The following ABLIM1 variants were observed in gnomAD, a reference collection of about 807,000 sequenced individuals.
The protein encoded by ABLIM1 is actin-binding LIM protein 1.
A neutral mutation model predicts 107.0 loss-of-function variants in ABLIM1; 40 were observed. The observed-to-expected ratio is 0.37, with a 90% CI of 0.29 to 0.49. The LOEUF (loss-of-function observed/expected upper bound fraction) is 0.49, where lower values mean the gene tolerates loss of function less well. Among genes scored for constraint, ABLIM1 ranks in the 20% least tolerant of loss-of-function variants. The probability of loss-of-function intolerance (pLI) is 0.97; values close to 1 mark genes in which losing one functional copy is unlikely to be tolerated. For synonymous variants in ABLIM1, 357 were observed against 357.3 expected (o/e 1.00, Z 0.01); for missense variants, 857 against 1,008.5 (o/e 0.85, Z 2.04).
intron 2 of ABLIM1, among the ~76,000 whole-genome samples, chr10:114,596,472 C>T (rs7076937): frequency 0.011 from 1,627 of 152,276 alleles, 28 homozygotes; most frequent in African/African-American, 0.038. Context: ...ATCACTTGAG[C>T]TCAGGAGTTT....
In ABLIM1 at chr10:114,699,950, T is replaced by C. The variant is rs192557143; in HGVS notation, c.-213+68111A>G. On this transcript the variant is annotated intron_variant, in intron 1 of 15. Transcript: ENST00000651092. ...ATCCATGAGAGAATTAAGCAAAAAG[T>C]TATTTTAATGATTCTATTCTTTGTT... Among the ~76,000 whole-genome samples the C allele has an allele frequency of 3.9e-4, 59 of 152,274 alleles. No individual in the cohort carries two copies. In the Middle Eastern group the frequency reaches 0.014, roughly 35 times the overall value.
intron 13 of ABLIM1, among the ~76,000 whole-genome samples, chr10:114,452,282 A>G (rs1317270507): frequency 6.6e-6 from 1 of 152,222 alleles, no homozygotes; most frequent in Admixed American, 6.5e-5. Flanking sequence ...CACTATGTAT[A>G]TATTTATACA....
At chr10:114,611,581 G>A (rs1420378148) in intron 1 of ABLIM1, among the ~76,000 whole-genome samples, 3 of 152,052 alleles carry the variant, frequency 2.0e-5, no homozygotes, top group East Asian at 3.8e-4. Flanking sequence ...GTCAGCAACC[G>A]TCAGCTGGAC....
intron 8 of ABLIM1, among the ~76,000 whole-genome samples, chr10:114,478,668 G>T (rs1310385362): frequency 6.6e-6 from 1 of 152,224 alleles, no homozygotes; most frequent in East Asian, 1.9e-4. Flanking sequence ...CAGCCATGCA[G>T]AACTGTGGGT....
chr10:114,471,823 T>C (rs1165321755), intron 10 of ABLIM1, among the ~76,000 whole-genome samples: 1 of 152,082 alleles, frequency 6.6e-6, no homozygotes, highest in African/African-American at 2.4e-5. Flanking sequence ...TTTTAACCTT[T>C]GTTGAATAGC....
intron 6 of ABLIM1, among the ~76,000 whole-genome samples, chr10:114,511,296 A>G (rs77772964): frequency 0.019 from 2,861 of 152,100 alleles, 145 homozygotes; most frequent in African/African-American, 0.066. Context: ...GTATTGCTGA[A>G]TCCACGAGAT....
chr10:114,546,640 T>C (rs963814708), intron 5 of ABLIM1, among the ~76,000 whole-genome samples: 4 of 152,204 alleles, frequency 2.6e-5, no homozygotes, highest in Non-Finnish European at 5.9e-5. Flanking sequence ...CCTGGGCCTG[T>C]AGAATTAGAT....
At chr10:114,557,678 T>G (rs1473084168) in intron 4 of ABLIM1, among the ~76,000 whole-genome samples, 4 of 149,306 alleles carry the variant, frequency 2.7e-5, no homozygotes, top group South Asian at 2.2e-4. Context: ...GGTGTTTTTT[T>G]TTTTTTTTTT....
chr10:114,437,634 T>C (rs550806275), intron 22 of ABLIM1, among the ~76,000 whole-genome samples: 16 of 152,374 alleles, frequency 1.1e-4, no homozygotes, highest in African/African-American at 3.6e-4. Flanking sequence ...GTCATTCTTC[T>C]GGATATTACC....
chr10:114,566,711 G>A (rs1249371529), intron 4 of ABLIM1, among the ~76,000 whole-genome samples: 2 of 152,134 alleles, frequency 1.3e-5, no homozygotes, highest in African/African-American at 2.4e-5. Context: ...AATAATTCAA[G>A]GCAATAATCT....
At chr10:114,535,146 C>T (rs1037513457) in intron 6 of ABLIM1, among the ~76,000 whole-genome samples, 4 of 152,154 alleles carry the variant, frequency 2.6e-5, no homozygotes, top group African/African-American at 9.7e-5. Flanking sequence ...CATCACAAAC[C>T]ATACATTGGA....
At chr10:114,544,603 C>A (rs1374005587) in intron 6 of ABLIM1, among the ~76,000 whole-genome samples, 5 of 152,190 alleles carry the variant, frequency 3.3e-5, no homozygotes, top group African/African-American at 1.2e-4. Flanking sequence ...CCATTCTGAG[C>A]CTCTGCTCCC....
At chr10:114,614,708 G>C (rs2077018322) in intron 1 of ABLIM1, among the ~76,000 whole-genome samples, 1 of 152,158 alleles carries the variant, frequency 6.6e-6, no homozygotes, top group South Asian at 2.1e-4. Flanking sequence ...ATGAGTAATT[G>C]ATCCCTCACT....
chr10:114,710,993 C>A (rs1265837720), intron 1 of ABLIM1, among the ~76,000 whole-genome samples: 2 of 152,152 alleles, frequency 1.3e-5, no homozygotes, highest in African/African-American at 4.8e-5. Flanking sequence ...CCTATAAGCT[C>A]ATGCCGGTTT....
intron 8 of ABLIM1, among the ~76,000 whole-genome samples, chr10:114,485,036 C>T (rs927490426): frequency 6.6e-6 from 1 of 152,270 alleles, no homozygotes; most frequent in Non-Finnish European, 1.5e-5. Context: ...AGTGAACAAA[C>T]GTGGCAACAC....
Position 114,468,182 on chromosome 10 carries a change from T to C in ABLIM1, c.1310A>G (p.Glu437Gly). ...PRTLSPTPSA[E>G]GYQDVRDRMI... ...ATGATAAAAAGAAATGGTACTTACT[T>C]CTGCTGATGGAGTAGGAGACAAAGT... is the stretch of plus-strand genomic sequence containing the variant. The change falls in exon 11 of 23, where the codon GAA becomes GGA. Residue 437 changes from glutamate to glycine, a missense_variant and splice_region_variant. Physicochemically the swap from Glu to Gly is moderately conservative, Grantham distance 98. Coordinates refer to ENST00000533213, the MANE Select transcript of ABLIM1 (RefSeq NM_002313.7). 6.2e-7 allele frequency: 1 copy of C among 1,612,934 alleles called. No homozygotes were observed.
rs772684110 is a variant in ABLIM1, at chr10:114,437,805, G to C, written c.2223+39C>G. 12 of 1,539,068 alleles carry C rather than the reference G, an allele frequency of 7.8e-6. 1 individual carries two copies. Among genetic ancestry groups the C allele is most frequent in the South Asian group, 3.4e-5 (3 of 89,466 alleles). On this transcript the variant is annotated intron_variant, in intron 22 of 22. Coordinates refer to ENST00000533213, the MANE Select transcript of ABLIM1 (RefSeq NM_002313.7). ...GGGGAGAGTTGGGGGAGTGCATAGG[G>C]ATCTGCAGTTGGGACTGGATTTTTC... is the stretch of plus-strand genomic sequence containing the variant.
At chr10:114,461,357 T>C (rs199863252) in intron 12 of ABLIM1, among the ~76,000 whole-genome samples, 1 of 151,610 alleles carries the variant, frequency 6.6e-6, no homozygotes, top group South Asian at 2.1e-4. Context: ...CTAATGGCTG[T>C]TATATTAAAG....
At chr10:114,762,669 T>G (rs982611064) in intron 1 of ABLIM1, among the ~76,000 whole-genome samples, 4 of 152,208 alleles carry the variant, frequency 2.6e-5, no homozygotes, top group Non-Finnish European at 4.4e-5. Context: ...TAAATGCTTG[T>G]TATGTACTGT....
Sources: gnomAD v4.1 joint callset for allele counts (sites outside exome capture counted in the v4.1 genomes callset) on GRCh38, gnomAD v4.1.1 for gene constraint, MANE v1.5 for transcripts, NCBI Gene and HGNC (gene_info 2026-07-23, HGNC 2026-07-21) for gene names.